Variants in STX10 observed in about 807,000 individuals in gnomAD.
The protein encoded by STX10 is syntaxin-10.
Under a neutral mutation model 34.1 loss-of-function variants are expected in STX10, and 35 were observed. That is an observed-to-expected ratio of 1.03 (90% CI 0.78 to 1.36). The LOEUF is 1.36. Ranked by LOEUF, STX10 falls within the 40% of genes most tolerant of loss-of-function variation. STX10 has a pLI of 0.00. For synonymous variants in STX10, 155 were observed against 132.9 expected, an observed-to-expected ratio of 1.17 and a Z score of -1.15; for missense variants, 361 against 335.5, an observed-to-expected ratio of 1.08 and a Z score of -0.59.
intron 4 of STX10, among the ~76,000 whole-genome samples, chr19:13,146,476 C>G (rs2145636830): frequency 6.6e-6 from 1 of 152,112 alleles, no homozygotes; most frequent in South Asian, 2.1e-4. Flanking sequence ...CTCAAGTGAT[C>G]CACCTGCCTC....
Position 13,144,570 on chromosome 19 carries a change from G to T in STX10, c.673+7C>A. ...CCAGGACTGACCCCTCCCCTGAGGG[G>T]ACTCACCACTCGTCATGTGGGATAC... On this transcript the variant is annotated splice_region_variant and intron_variant, in intron 7 of 7. Coordinates refer to ENST00000587230, the MANE Select transcript of STX10 (RefSeq NM_003765.3). The T allele has an allele frequency of 6.2e-7, 1 of 1,614,144 alleles. No individual in the cohort carries two copies. The highest frequency in any genetic ancestry group is 8.5e-7 in the Non-Finnish European group (1 of 1,180,016).
At chr19:13,149,164 C>G (rs532041466) in intron 3 of STX10, 73 bp from the exon 4 acceptor site, 2 of 1,388,828 alleles carry the variant, frequency 1.4e-6, no homozygotes, top group South Asian at 2.5e-5. Context: ...GTAATCCTAG[C>G]ACTTTGAGAG....
In STX10 at chr19:13,149,766, C is replaced by A; in HGVS notation, c.167G>T (p.Ser56Ile). 6.2e-7 allele frequency: 1 copy of A among 1,614,192 alleles called. No individual in the cohort carries two copies. The change falls in exon 2 of 8, where the codon AGC becomes ATC. Residue 56 changes from serine to isoleucine, a missense_variant. Coordinates refer to ENST00000587230, the MANE Select transcript of STX10 (RefSeq NM_003765.3). ...TTNELRNGLR[S>I]IEWDLEDLEE... is the part of the protein sequence containing the mutation. ...CAGGTCCTCGAGGTCCCACTCGATGCTGCGCAGGCCATTCCGCAGCTCATT... is the reference window on the plus strand; with the variant it reads ...CAGGTCCTCGAGGTCCCACTCGATGATGCGCAGGCCATTCCGCAGCTCATT...
In STX10 at chr19:13,149,794, T is replaced by C. The variant is rs2020011425; in HGVS notation, c.139A>G (p.Thr47Ala). 1.2e-6 allele frequency: 2 copies of C among 1,614,044 alleles called. No homozygotes were observed. Among genetic ancestry groups the C allele is most frequent in the East Asian group, 4.5e-5 (2 of 44,872 alleles). Residue 47 changes from threonine (T) to alanine (A), a missense_variant, in exon 2 of 8, where the codon ACC (threonine) becomes GCC (alanine). By Grantham distance (58) the Thr-to-Ala change is moderately conservative. Coordinates refer to ENST00000587230, the MANE Select transcript of STX10 (RefSeq NM_003765.3). ...CGCAGGCCATTCCGCAGCTCATTGG[T>C]CGTCCAGTCCAGCTCCTCGCGTCCG... ...AVGREELDWT[T>A]NELRNGLRSI...
rs2019842221 is a variant in STX10 at position 13,144,260 on chromosome 19, G to A, written c.*150C>T. 4 of 1,076,606 alleles carry A rather than the reference G, an allele frequency of 3.7e-6. No homozygotes were observed. Among genetic ancestry groups the A allele is most frequent in the Non-Finnish European group, 5.3e-6 (4 of 756,186 alleles). The allele number at this position is 1,076,606 out of a possible 1,614,324, so 66.7% of individuals were successfully genotyped here. ...GTCCTGAAGGGTCCCACTGGCTCTA[G>A]GGGAGAGCCATGGGGACAGCTCCCC... On this transcript the variant is annotated 3_prime_UTR_variant, in exon 8 of 8. Transcript: ENST00000587230.
chr19:13,146,377 G>C (rs1204656066), intron 4 of STX10, among the ~76,000 whole-genome samples: 1 of 152,154 alleles, frequency 6.6e-6, no homozygotes, highest in Non-Finnish European at 1.5e-5. Flanking sequence ...TGGGATTACA[G>C]GCACCTGCCA....
intron 3 of STX10, 32 bp downstream of exon 3, chr19:13,149,467 C>T (rs2019997734): frequency 6.4e-7 from 1 of 1,552,602 alleles, no homozygotes. Flanking sequence ...TCAAACCTTC[C>T]CCCACTCCCC....
At position 13,150,328 on chromosome 19, in the gene STX10, C is replaced by T; in HGVS notation, c.-155G>A. ...GGGAGAAAGAGAAGCCTCGGAGGCCCGACGTGCGGACACTTCCGCCCTCTC... is the reference window on the plus strand; with the variant it reads ...GGGAGAAAGAGAAGCCTCGGAGGCCTGACGTGCGGACACTTCCGCCCTCTC... On this transcript the variant is annotated 5_prime_UTR_variant, in exon 1 of 8. Coordinates refer to ENST00000587230, the MANE Select transcript of STX10 (RefSeq NM_003765.3). The surrounding 1 kb of genome is among the most constrained non-coding windows in gnomAD (Gnocchi z 4.0). 1.7e-6 allele frequency: 1 copy of T among 604,792 alleles called. No homozygotes were observed. Among genetic ancestry groups the T allele is most frequent in the South Asian group, 2.0e-5 (1 of 50,630 alleles). The allele number at this position is 604,792 out of a possible 1,614,324, so 37.5% of individuals were successfully genotyped here.
intron 5 of STX10, 89 bp downstream of exon 5, chr19:13,145,199 A>T: frequency 8.3e-7 from 1 of 1,204,870 alleles, no homozygotes; most frequent in Middle Eastern, 1.9e-4. Context: ...ACTCCATATC[A>T]ACAACAACAA....
At chr19:13,144,536 C>T (rs1318318252) in intron 7 of STX10, 41 bp downstream of exon 7, 4 of 1,613,882 alleles carry the variant, frequency 2.5e-6, no homozygotes, top group Non-Finnish European at 8.5e-7. Flanking sequence ...CACCTACAAC[C>T]TGCCCCCACC....
chr19:13,147,921 C>G (rs1207431153), intron 4 of STX10, among the ~76,000 whole-genome samples: 1 of 129,570 alleles, frequency 7.7e-6, no homozygotes, highest in African/African-American at 2.8e-5. Flanking sequence ...AAAAAATTAG[C>G]CGGGTGTGGT....
intron 4 of STX10, among the ~76,000 whole-genome samples, chr19:13,147,756 G>A (rs993594353): frequency 3.3e-5 from 5 of 151,882 alleles, no homozygotes; most frequent in African/African-American, 7.3e-5. Context: ...ATTTAGCCAC[G>A]CATGGTGGTG....
Position 13,144,672 on chromosome 19 carries a change from C to A in STX10, c.579-1G>T. ...CTCTTGGGCGAAGGCATCCAGCATG[C>A]TGCCAAGAACAGGATGGCATCAGCC... On this transcript the variant is annotated splice_acceptor_variant, in intron 6 of 7. Coordinates refer to ENST00000587230, the MANE Select transcript of STX10 (RefSeq NM_003765.3). LOFTEE classifies it high-confidence loss of function. 3.7e-6 allele frequency: 6 copies of A among 1,614,016 alleles called. No individual in the cohort carries two copies. The highest frequency in any genetic ancestry group is 5.1e-6 in the Non-Finnish European group (6 of 1,179,986).
At chr19:13,149,278 G>T (rs999592679) in intron 3 of STX10, among the ~76,000 whole-genome samples, 187 bp from the exon 4 acceptor site, 1 of 151,832 alleles carries the variant, frequency 6.6e-6, no homozygotes, top group Admixed American at 6.6e-5. Flanking sequence ...CGGGTATCGT[G>T]GCAGGCACCT....
intron 4 of STX10, among the ~76,000 whole-genome samples, chr19:13,148,241 T>C (rs2019951610): frequency 6.6e-6 from 1 of 151,776 alleles, no homozygotes; most frequent in Admixed American, 6.6e-5. Flanking sequence ...CAGTGGCTCA[T>C]GCCTGTAATT....
intron 4 of STX10, among the ~76,000 whole-genome samples, chr19:13,147,932 G>A (rs2019940771): frequency 6.7e-6 from 1 of 150,096 alleles, no homozygotes; most frequent in Non-Finnish European, 1.5e-5. Flanking sequence ...CGGGTGTGGT[G>A]GCATGTGCCT....
intron 4 of STX10, among the ~76,000 whole-genome samples, chr19:13,147,085 C>CACAA (rs1425298526): frequency 6.7e-6 from 1 of 149,824 alleles, no homozygotes; most frequent in African/African-American, 2.5e-5. Context: ...CAGAAACACA[C>CACAA]ACACACACAC....
chr19:13,148,407 G>A (rs2019957474), intron 4 of STX10, among the ~76,000 whole-genome samples: 1 of 151,806 alleles, frequency 6.6e-6, no homozygotes. Context: ...GGAGGCTGAG[G>A]CAGGAGAATT....
Position 13,144,974 on chromosome 19 carries a change from G to A in STX10, c.472-104C>T, listed in dbSNP as rs886183695. On this transcript the variant is annotated intron_variant, in intron 5 of 7. Transcript: ENST00000587230. Reference sequence around the variant, plus strand: ...AGCACTCTGGGAGGCCGAGACAGGCGGATCACTTGAGGCCAGGAGTTCGAG... The same window carrying A: ...AGCACTCTGGGAGGCCGAGACAGGCAGATCACTTGAGGCCAGGAGTTCGAG... 2.9e-5 allele frequency: 31 copies of A among 1,062,072 alleles called. No homozygotes were observed. In the South Asian group the frequency reaches 3.3e-4, roughly 11 times the overall value. The allele number at this position is 1,062,072 out of a possible 1,614,324, so 65.8% of individuals were successfully genotyped here. A position where few individuals can be genotyped will look rare whatever the true frequency, so the allele number is the denominator to read the frequency against.
Sources: allele counts gnomAD v4.1 joint callset (sites outside exome capture counted in the v4.1 genomes callset), GRCh38; gene constraint gnomAD v4.1.1; non-coding constraint Gnocchi (gnomAD v3.1); transcripts MANE v1.5; gene names NCBI Gene and HGNC (gene_info 2026-07-23, HGNC 2026-07-21).